PRELID2: variants seen among roughly 807,000 people sequenced by gnomAD.
The protein encoded by PRELID2 is PRELI domain containing 2.
In PRELID2, 25 loss-of-function variants were observed where a neutral mutation model predicts 28.4. That is an observed-to-expected ratio of 0.88 (90% CI 0.64 to 1.23). PRELID2 has a LOEUF of 1.23. Ranked by LOEUF, PRELID2 falls within the 50% of genes most tolerant of loss-of-function variation. PRELID2 has a pLI of 0.00. For synonymous variants in PRELID2, 76 were observed against 71.6 expected, an observed-to-expected ratio of 1.06 and a Z score of -0.31; for missense variants, 201 against 214.4, an observed-to-expected ratio of 0.94 and a Z score of 0.39.
chr5:145,539,094 C>T (rs191806106), intron 1 of PRELID2, among the ~76,000 whole-genome samples: 2 of 151,940 alleles, frequency 1.3e-5, no homozygotes, highest in Admixed American at 6.6e-5. Context: ...CTAAGACAGC[C>T]GAAACAAGGA....
At chr5:145,318,834 T>C in the PRELID2 span, among the ~76,000 whole-genome samples, 1 of 152,168 alleles carries the variant, frequency 6.6e-6, no homozygotes, top group Non-Finnish European at 1.5e-5. Context: ...CTGTCTGGCA[T>C]CCAGGGAAAA....
At chr5:145,495,496 C>A (rs531422767) in intron 1 of PRELID2, among the ~76,000 whole-genome samples, 1 of 152,236 alleles carries the variant, frequency 6.6e-6, no homozygotes, top group East Asian at 1.9e-4. Context: ...AGTGCTAAAC[C>A]CCTTTTCTTT....
rs548191555 is a variant in PRELID2 at position 145,591,433 on chromosome 5, G to A, written n.71-118118C>T. On this transcript the variant is annotated intron_variant and non_coding_transcript_variant, in intron 1 of 2. Transcript: ENST00000510259. ...AAATTTTTAATATTTTTCTACTTTG[G>A]AGAATAGACCATTTCATAGTACAAA... Among the ~76,000 whole-genome samples the A allele has an allele frequency of 2.6e-5, 4 of 152,190 alleles. No homozygotes were observed. The East Asian group carries it at 7.7e-4, about 29-fold the overall frequency.
At chr5:145,342,571 T>C in the PRELID2 span, among the ~76,000 whole-genome samples, 2 of 152,096 alleles carry the variant, frequency 1.3e-5, no homozygotes, top group East Asian at 3.8e-4. Flanking sequence ...AAAAACAAGA[T>C]TTAGCTATAT....
intron 5 of PRELID2, among the ~76,000 whole-genome samples, chr5:145,772,906 T>TTTTTTCAA (rs1477460696): frequency 3.3e-5 from 5 of 152,232 alleles, no homozygotes; most frequent in Non-Finnish European, 5.9e-5. Context: ...AAAGACAATG[T>TTTTTTCAA]TTTTTCAATT....
the PRELID2 span, among the ~76,000 whole-genome samples, chr5:145,241,151 T>C: frequency 6.6e-6 from 1 of 152,072 alleles, no homozygotes; most frequent in African/African-American, 2.4e-5. Flanking sequence ...CTTGTTCTCT[T>C]GTTTCTAGGA....
At chr5:145,331,490 C>T in the PRELID2 span, among the ~76,000 whole-genome samples, 2 of 152,146 alleles carry the variant, frequency 1.3e-5, no homozygotes, top group African/African-American at 4.8e-5. Flanking sequence ...ATAGTTAGCT[C>T]TTCTTGTTGC....
In PRELID2 at chr5:145,816,146, G is replaced by A. The variant is rs552074974; in HGVS notation, c.368+1748C>T. Among the ~76,000 whole-genome samples, 31 of 143,306 alleles carry A rather than the reference G, an allele frequency of 2.2e-4. No homozygotes were observed. In the South Asian group the frequency reaches 5.1e-3, roughly 24 times the overall value. The allele number at this position is 143,306 out of a possible 152,430, so 94.0% of individuals were successfully genotyped here. The stretch of plus-strand genomic sequence containing the variant: ...TGCCCAGGCTAGAGTGCCATGGTGC[G>A]ATCTCGGCTCACTGAAACCTTCGTC... On this transcript the variant is annotated intron_variant, in intron 4 of 6. Coordinates refer to ENST00000683046, the MANE Select transcript of PRELID2 (RefSeq NM_205846.3).
At chr5:145,661,527 CAAATAGAA>C (rs1367067436) in intron 1 of PRELID2, among the ~76,000 whole-genome samples, 5 of 151,912 alleles carry the variant, frequency 3.3e-5, no homozygotes, top group African/African-American at 1.2e-4. Context: ...TGGAAGTATT[CAAATAGAA>C]GAATGGACCC....
chr5:145,272,551 G>T, the PRELID2 span, among the ~76,000 whole-genome samples: 1 of 152,222 alleles, frequency 6.6e-6, no homozygotes, highest in African/African-American at 2.4e-5. Context: ...GCTCTAGAGA[G>T]ATTGGTGAGA....
chr5:145,784,470 G>A (rs1037022064), intron 5 of PRELID2, among the ~76,000 whole-genome samples: 2 of 152,154 alleles, frequency 1.3e-5, no homozygotes, highest in Admixed American at 6.5e-5. Context: ...TATACAGCCA[G>A]AATATGGATG....
intron 1 of PRELID2, among the ~76,000 whole-genome samples, chr5:145,577,820 C>A (rs1561509471): frequency 6.6e-6 from 1 of 152,116 alleles, no homozygotes; most frequent in Non-Finnish European, 1.5e-5. Flanking sequence ...GTCTTCCACA[C>A]TAACAGGCCT....
chr5:145,457,445 T>A, the PRELID2 span, among the ~76,000 whole-genome samples: 1 of 152,200 alleles, frequency 6.6e-6, no homozygotes, highest in African/African-American at 2.4e-5. Flanking sequence ...AGTCATTGCA[T>A]TATAATTCAT....
Position 145,679,678 on chromosome 5 carries a change from T to C in PRELID2, n.70+85253A>G, listed in dbSNP as rs1754895281. On this transcript the variant is annotated intron_variant and non_coding_transcript_variant, in intron 1 of 2. Transcript: ENST00000510259. ...AATTGTGAAGCTAATGGTGATGAAGTTGATGAAAGAAATATGACATAGTAC... is the reference window on the plus strand; with the variant it reads ...AATTGTGAAGCTAATGGTGATGAAGCTGATGAAAGAAATATGACATAGTAC... Among the ~76,000 whole-genome samples the C allele has an allele frequency of 3.3e-5, 5 of 152,044 alleles. No homozygotes were observed. The South Asian group carries it at 8.3e-4, about 25-fold the overall frequency.
the PRELID2 span, among the ~76,000 whole-genome samples, chr5:145,418,495 G>C: frequency 2.6e-5 from 4 of 152,102 alleles, no homozygotes; most frequent in South Asian, 2.1e-4. Context: ...CTATACTACA[G>C]GGCTACAGTA....
chr5:145,777,694 C>A (rs1172965802), intron 5 of PRELID2, among the ~76,000 whole-genome samples: 2 of 152,150 alleles, frequency 1.3e-5, no homozygotes, highest in Admixed American at 1.3e-4. Context: ...CTACAGCCAC[C>A]CAAACTGCAG....
chr5:145,498,605 C>T (rs2126632003), intron 1 of PRELID2, among the ~76,000 whole-genome samples: 1 of 152,304 alleles, frequency 6.6e-6, no homozygotes, highest in East Asian at 1.9e-4. Flanking sequence ...TCTCAGCTCA[C>T]TGTAACCTCC....
the PRELID2 span, among the ~76,000 whole-genome samples, chr5:145,255,292 T>C: frequency 6.6e-6 from 1 of 151,812 alleles, no homozygotes; most frequent in Non-Finnish European, 1.5e-5. Context: ...CTGTGATGAA[T>C]GTGTTAACAA....
At chr5:145,741,349 TAATA>T (rs1421409655) in intron 1 of PRELID2, among the ~76,000 whole-genome samples, 85 of 116,652 alleles carry the variant, frequency 7.3e-4, no homozygotes, top group Non-Finnish European at 8.5e-4. Context: ...TAAAATTTAT[TAATA>T]AATAATTTAT....
Sources: gnomAD v4.1 joint callset for allele counts (sites outside exome capture counted in the v4.1 genomes callset) on GRCh38, gnomAD v4.1.1 for gene constraint, MANE v1.5 for transcripts, NCBI Gene and HGNC (gene_info 2026-07-23, HGNC 2026-07-21) for gene names.